The following CWC27 variants were observed in gnomAD, a reference collection of about 807,000 sequenced individuals.
The protein encoded by CWC27 is CWC27 spliceosome associated cyclophilin, also known as spliceosome-associated protein CWC27 homolog.
CWC27 carries 47 observed loss-of-function variants against 63.6 expected under a neutral mutation model. The ratio of observed to expected loss-of-function variants is 0.74; its 90% CI spans 0.58 to 0.94. The LOEUF is 0.94. Ranked by LOEUF, CWC27 falls within the 40% of genes least tolerant of loss-of-function variation. The pLI, the probability that CWC27 is intolerant of heterozygous loss-of-function variation, is 0.00. For missense variants in CWC27, 495 were observed against 554.3 expected (o/e 0.89, Z 1.07); for synonymous variants, 175 against 179.8 (o/e 0.97, Z 0.22).
At position 64,825,841 on chromosome 5, in the gene CWC27, A is replaced by G. The variant is rs1745342116; in HGVS notation, c.938+21455A>G. 2.0e-5 allele frequency among the ~76,000 whole-genome samples: 3 copies of G among 152,326 alleles called. No homozygotes were observed. The South Asian group carries it at 6.2e-4, about 32-fold the overall frequency. On this transcript the variant is annotated intron_variant, in intron 10 of 13. Transcript: ENST00000381070. ...GTAGTTGTGATTAACGTCTACAATC[A>G]GTGACTTAGGTAAAGCAGATTATCA...
chr5:64,901,341 G>A (rs936778553), intron 11 of CWC27, among the ~76,000 whole-genome samples: 1 of 151,794 alleles, frequency 6.6e-6, no homozygotes, highest in Non-Finnish European at 1.5e-5. Flanking sequence ...GGTGCCTGTA[G>A]TCCCAGCTAC....
At chr5:64,840,828 T>TA (rs1353673626) in intron 10 of CWC27, among the ~76,000 whole-genome samples, 1 of 152,098 alleles carries the variant, frequency 6.6e-6, no homozygotes, top group East Asian at 1.9e-4. Flanking sequence ...CATAAGGGGC[T>TA]AATCAAGGCA....
rs1226881605 is a variant in CWC27, at chr5:65,018,273, G to A, written c.1371G>A (p.Arg457=). The part of the protein sequence containing the change: ...YDPRNPVNKR[R]REESKKLMRE... ...CTCGGAATCCAGTGAATAAAAGAAG[G>A]AGGGAAGAAAGCAAAAAGCTGATGA... is the stretch of plus-strand genomic sequence containing the variant. The change falls in exon 14 of 14, where the codon AGG becomes AGA. Residue 457 remains arginine, a synonymous_variant. Transcript: ENST00000381070. The A allele has an allele frequency of 6.2e-7, 1 of 1,609,280 alleles. No individual in the cohort carries two copies. Among genetic ancestry groups the A allele is most frequent in the Non-Finnish European group, 8.5e-7 (1 of 1,178,664 alleles).
rs1345027375 is a variant in CWC27, at chr5:64,847,914, T to C, written c.939-37529T>C. Among the ~76,000 whole-genome samples the C allele has an allele frequency of 2.7e-5, 4 of 148,868 alleles. No individual in the cohort carries two copies. The East Asian group carries it at 7.9e-4, about 30-fold the overall frequency. ...GAATGTTTATAGCAAAAAAAAAATA[T>C]CAAAAAAGAGAGAAAGATCTCAAAC... is the stretch of plus-strand genomic sequence containing the variant. On this transcript the variant is annotated intron_variant, in intron 10 of 13. Transcript: ENST00000381070.
chr5:64,863,701 C>G (rs1033910878), intron 10 of CWC27, among the ~76,000 whole-genome samples: 2 of 152,092 alleles, frequency 1.3e-5, no homozygotes, highest in Admixed American at 1.3e-4. Flanking sequence ...GTTGCCCAGG[C>G]TGGTCTCAAA....
chr5:64,909,447 T>C (rs560270630), intron 11 of CWC27, among the ~76,000 whole-genome samples: 1 of 152,298 alleles, frequency 6.6e-6, no homozygotes, highest in South Asian at 2.1e-4. Context: ...ATCTTTGTGG[T>C]GTTCTCTGTA....
chr5:64,938,138 C>T (rs748271503), intron 11 of CWC27, among the ~76,000 whole-genome samples: 58 of 152,158 alleles, frequency 3.8e-4, no homozygotes, highest in Admixed American at 1.4e-3. Flanking sequence ...TGAATTTGAT[C>T]CTGTCATTAT....
intron 10 of CWC27, among the ~76,000 whole-genome samples, chr5:64,833,726 A>C (rs554420888): frequency 6.6e-6 from 1 of 151,734 alleles, no homozygotes; most frequent in Non-Finnish European, 1.5e-5. Context: ...CTTTGTGCTG[A>C]AGCTAGTTAC....
intron 11 of CWC27, 143 bp downstream of exon 11, chr5:64,885,689 T>G: frequency 2.7e-6 from 1 of 365,488 alleles, no homozygotes; most frequent in Non-Finnish European, 5.1e-6. Flanking sequence ...TCCCTCCCTC[T>G]TGAGTTAGGG....
chr5:64,960,836 C>T (rs1342897881), intron 11 of CWC27, among the ~76,000 whole-genome samples: 1 of 151,690 alleles, frequency 6.6e-6, no homozygotes, highest in Non-Finnish European at 1.5e-5. Flanking sequence ...TGGCTTTGAA[C>T]TCCTAGGCCC....
rs1580762605 is a variant in CWC27, at chr5:64,981,029, T to C, written c.1256+3791T>C. Among the ~76,000 whole-genome samples the C allele has an allele frequency of 2.0e-5, 3 of 152,054 alleles. No individual in the cohort carries two copies. The East Asian group carries it at 5.8e-4, about 29-fold the overall frequency. ...ATCGCTTGAACCTGAAAGGTGGAGGTTGCAGTGAGCCGAGCTCATGCCACT... is the reference window on the plus strand; with the variant it reads ...ATCGCTTGAACCTGAAAGGTGGAGGCTGCAGTGAGCCGAGCTCATGCCACT... On this transcript the variant is annotated intron_variant, in intron 13 of 13. Coordinates refer to ENST00000381070, the MANE Select transcript of CWC27 (RefSeq NM_005869.4).
intron 13 of CWC27, among the ~76,000 whole-genome samples, chr5:64,993,076 C>G (rs1749566584): frequency 6.6e-6 from 1 of 152,042 alleles, no homozygotes; most frequent in South Asian, 2.1e-4. Context: ...ATTTCTTCAC[C>G]TGTAGAGTAG....
rs28770323 is a variant in CWC27, at chr5:64,940,322, G to A, written c.1043-31381G>A. Among the ~76,000 whole-genome samples, 1,327 of 152,262 alleles carry A rather than the reference G, an allele frequency of 8.7e-3. 25 individuals are homozygous for A. Among genetic ancestry groups the A allele is most frequent in the African/African-American group, 0.031 (1,275 of 41,564 alleles). On this transcript the variant is annotated intron_variant, in intron 11 of 13. Transcript: ENST00000381070. ...CTTAGTATCTGGGCTGGAGGGCACC[G>A]TTCCTCACGGCACAGTCCCTCAGGG...
chr5:64,786,491 G>A (rs1169112633), intron 5 of CWC27, 33 bp from the exon 6 acceptor site: 2 of 1,307,898 alleles, frequency 1.5e-6, no homozygotes, highest in Non-Finnish European at 1.0e-6. Context: ...TGTTAAAAAT[G>A]GAATAATGTT....
At chr5:64,917,986 G>A (rs1444241058) in intron 11 of CWC27, among the ~76,000 whole-genome samples, 1 of 151,874 alleles carries the variant, frequency 6.6e-6, no homozygotes, top group Non-Finnish European at 1.5e-5. Flanking sequence ...TGTATATCTG[G>A]AGAATCCTGA....
intron 10 of CWC27, among the ~76,000 whole-genome samples, chr5:64,878,968 G>A (rs1746869419): frequency 6.6e-6 from 1 of 151,822 alleles, no homozygotes; most frequent in South Asian, 2.1e-4. Flanking sequence ...AGGATTTGGG[G>A]TATGTGTTAT....
chr5:64,867,464 C>T (rs1466882845), intron 10 of CWC27, among the ~76,000 whole-genome samples: 2 of 152,032 alleles, frequency 1.3e-5, no homozygotes, highest in African/African-American at 2.4e-5. Context: ...CTAATAAAGC[C>T]GTCAGTGCTT....
intron 12 of CWC27, among the ~76,000 whole-genome samples, chr5:64,976,400 A>G (rs1010998928): frequency 1.3e-5 from 2 of 152,060 alleles, no homozygotes; most frequent in Non-Finnish European, 2.9e-5. Flanking sequence ...ATATTTTTAT[A>G]TTTTTGGAAA....
At chr5:64,857,196 C>T (rs1580678448) in intron 10 of CWC27, among the ~76,000 whole-genome samples, 1 of 152,166 alleles carries the variant, frequency 6.6e-6, no homozygotes, top group East Asian at 1.9e-4. Context: ...TCAATTTATT[C>T]ATCACTGCCT....
Sources: gnomAD v4.1 joint callset for allele counts (sites outside exome capture counted in the v4.1 genomes callset) on GRCh38, gnomAD v4.1.1 for gene constraint, MANE v1.5 for transcripts, NCBI Gene and HGNC (gene_info 2026-07-23, HGNC 2026-07-21) for gene names.